The following PCNX2 variants were observed in gnomAD, a reference collection of about 807,000 sequenced individuals.
The protein encoded by PCNX2 is pecanex-like protein 2.
Under a neutral mutation model 223.8 loss-of-function variants are expected in PCNX2, and 168 were observed. That is an observed-to-expected ratio of 0.75 (90% confidence interval 0.66 to 0.85). The LOEUF (loss-of-function observed/expected upper bound fraction) is 0.85, where lower values mean the gene tolerates loss of function less well. Ranked by LOEUF, PCNX2 falls within the 40% of genes least tolerant of loss-of-function variation. PCNX2 has a pLI of 0.00. For synonymous variants in PCNX2, 1,006 were observed against 1,052.6 expected (o/e 0.96, Z 0.86); for missense variants, 2,507 against 2,675.5 (o/e 0.94, Z 1.39).
intron 27 of PCNX2, among the ~76,000 whole-genome samples, chr1:233,015,601 G>A (rs1237484172): frequency 1.3e-5 from 2 of 152,158 alleles, no homozygotes; most frequent in East Asian, 1.9e-4. Flanking sequence ...GCTGAGGCAG[G>A]AGAGTCGCTG....
At chr1:232,989,698 A>G (rs1182635808) in intron 32 of PCNX2, among the ~76,000 whole-genome samples, 2 of 152,276 alleles carry the variant, frequency 1.3e-5, no homozygotes, top group Admixed American at 6.5e-5. Context: ...AAGGATACAC[A>G]GGACAAACCT....
chr1:233,302,935 G>A, the PCNX2 span, among the ~76,000 whole-genome samples: 2,910 of 152,200 alleles, frequency 0.019, 109 homozygotes, highest in African/African-American at 0.066. Context: ...GTAAATGTGT[G>A]TGTCAGCTTA....
intron 24 of PCNX2, among the ~76,000 whole-genome samples, chr1:233,056,299 A>G (rs1162469863): frequency 3.3e-5 from 5 of 152,240 alleles, no homozygotes; most frequent in Non-Finnish European, 7.3e-5. Flanking sequence ...TAAATAAAAC[A>G]AAACAATTGA....
intron 10 of PCNX2, among the ~76,000 whole-genome samples, chr1:233,223,059 T>G (rs1054861085): frequency 1.2e-4 from 19 of 152,186 alleles, no homozygotes; most frequent in African/African-American, 4.3e-4. Flanking sequence ...TTGCAGCCAC[T>G]GGGGACTTCA....
At chr1:233,169,562 G>A (rs184070690) in intron 17 of PCNX2, among the ~76,000 whole-genome samples, 9 of 150,018 alleles carry the variant, frequency 6.0e-5, no homozygotes, top group Admixed American at 3.3e-4. Flanking sequence ...GGAGAATGGC[G>A]TGAACCCGGG....
chr1:233,235,664 C>T (rs1329286181), intron 9 of PCNX2, among the ~76,000 whole-genome samples: 6 of 152,082 alleles, frequency 3.9e-5, no homozygotes, highest in Middle Eastern at 3.2e-3. Flanking sequence ...TGCAGTGGCA[C>T]GACCTTGGCT....
chr1:233,033,146 T>C (rs1671329347), intron 25 of PCNX2: 2 of 985,334 alleles, frequency 2.0e-6, no homozygotes, highest in Non-Finnish European at 2.4e-6. Flanking sequence ...GTATTTCCAT[T>C]GAAACTGACT....
chr1:233,079,888 C>A (rs1005242207), intron 23 of PCNX2, among the ~76,000 whole-genome samples: 1 of 152,182 alleles, frequency 6.6e-6, no homozygotes, highest in Non-Finnish European at 1.5e-5. Context: ...CCTGCTGGTC[C>A]CCAAACACTA....
chr1:233,252,520 C>CA lies in PCNX2; in HGVS notation c.1983-22dup, dbSNP rs139759246. 8,954 of 1,579,824 alleles carry CA rather than the reference C, an allele frequency of 5.7e-3. 449 individuals carry two copies. In the African/African-American group the frequency reaches 0.11, roughly 19 times the overall value. The stretch of plus-strand genomic sequence containing the variant: ...GAAAACTTAACACATATAAAAGTTT[C>CA]AAAAAAAATGATTAGAAGTTCCTCC... On this transcript the variant is annotated intron_variant, in intron 6 of 33. Transcript: ENST00000258229.
chr1:233,202,905 GT>G (rs1681208252), intron 13 of PCNX2, among the ~76,000 whole-genome samples: 1 of 152,184 alleles, frequency 6.6e-6, no homozygotes, highest in African/African-American at 2.4e-5. Flanking sequence ...CGTGCCTGAA[GT>G]TTTTCCATGC....
At chr1:233,267,531 C>G (rs375974625) in intron 1 of PCNX2, among the ~76,000 whole-genome samples, 1 of 151,178 alleles carries the variant, frequency 6.6e-6, no homozygotes, top group Non-Finnish European at 1.5e-5. Flanking sequence ...TTCTCCCCAC[C>G]CCCCATCCCC....
chr1:233,151,340 C>A (rs1437237946), intron 19 of PCNX2, among the ~76,000 whole-genome samples: 1 of 152,202 alleles, frequency 6.6e-6, no homozygotes, highest in East Asian at 1.9e-4. Flanking sequence ...ACAGTGGCCA[C>A]ACCGACTGCA....
intron 23 of PCNX2, among the ~76,000 whole-genome samples, chr1:233,077,657 C>T (rs185647171): frequency 5.3e-5 from 8 of 152,142 alleles, no homozygotes; most frequent in Admixed American, 3.3e-4. Context: ...GCTCCAACTA[C>T]GCAACCTCTA....
intron 27 of PCNX2, 182 bp downstream of exon 27, chr1:233,016,739 T>A (rs1670677784): frequency 1.0e-6 from 1 of 967,972 alleles, no homozygotes. Flanking sequence ...ATTGGAGACA[T>A]GGTATATTGA....
intron 23 of PCNX2, among the ~76,000 whole-genome samples, chr1:233,085,679 CTT>C (rs1356893359): frequency 3.3e-5 from 5 of 152,280 alleles, no homozygotes; most frequent in South Asian, 2.1e-4. Context: ...ATCAATGTAA[CTT>C]TTATTAATAC....
intron 25 of PCNX2, among the ~76,000 whole-genome samples, chr1:233,050,508 A>C (rs1298840843): frequency 3.3e-5 from 5 of 152,144 alleles, no homozygotes; most frequent in African/African-American, 9.7e-5. Flanking sequence ...ACAGAATAGC[A>C]AACCCGGAAA....
At position 233,126,685 on chromosome 1, in the gene PCNX2, G is replaced by T. The variant is rs965909542; in HGVS notation, c.3837+8328C>A. Reference sequence around the variant, plus strand: ...TGCTTTTCTAATTTTATCATGATAAGAATATATTTAGGTATTACTTAAGTA... The same window carrying T: ...TGCTTTTCTAATTTTATCATGATAATAATATATTTAGGTATTACTTAAGTA... On this transcript the variant is annotated intron_variant, in intron 21 of 33. Coordinates refer to ENST00000258229, the MANE Select transcript of PCNX2 (RefSeq NM_014801.4). The surrounding 1 kb of genome is among the most constrained non-coding windows in gnomAD (Gnocchi z 4.8). Among the ~76,000 whole-genome samples the T allele has an allele frequency of 2.0e-5, 3 of 152,098 alleles. No individual in the cohort carries two copies. The highest frequency in any genetic ancestry group is 4.8e-5 in the African/African-American group (2 of 41,486).
intron 23 of PCNX2, among the ~76,000 whole-genome samples, chr1:233,065,869 G>A (rs1672582511): frequency 6.6e-6 from 1 of 152,178 alleles, no homozygotes; most frequent in African/African-American, 2.4e-5. Context: ...GCAGATAGGG[G>A]TGGGTCCCTG....
chr1:233,004,210 T>C (rs138872980), intron 28 of PCNX2, among the ~76,000 whole-genome samples: 17 of 152,262 alleles, frequency 1.1e-4, no homozygotes, highest in African/African-American at 4.1e-4. Context: ...AAAATTATAG[T>C]TCCACACACT....
Sources: allele counts gnomAD v4.1 joint callset (sites outside exome capture counted in the v4.1 genomes callset), GRCh38; gene constraint gnomAD v4.1.1; non-coding constraint Gnocchi (gnomAD v3.1); transcripts MANE v1.5; gene names NCBI Gene and HGNC (gene_info 2026-07-23, HGNC 2026-07-21).